WASF1: variants seen among roughly 807,000 people sequenced by gnomAD.
WASF1 encodes WASP family member 1, also known as actin-binding protein WASF1.
Under a neutral mutation model 50.5 loss-of-function variants are expected in WASF1, and 7 were observed. That is an observed-to-expected ratio of 0.14 (90% CI 0.08 to 0.26). The LOEUF (loss-of-function observed/expected upper bound fraction) is 0.26. WASF1 is among the 10% of genes least tolerant of loss of function. The pLI, the probability that WASF1 is intolerant of heterozygous loss-of-function variation, is 1.00. For missense variants in WASF1, 470 were observed against 694.7 expected, an observed-to-expected ratio of 0.68 and a Z score of 3.64; for synonymous variants, 205 against 244.0, an observed-to-expected ratio of 0.84 and a Z score of 1.49.
chr6:110,162,204 T>C (rs553844904), intron 2 of WASF1, among the ~76,000 whole-genome samples: 5 of 151,556 alleles, frequency 3.3e-5, no homozygotes, highest in African/African-American at 1.2e-4. Flanking sequence ...TCCTAGAATA[T>C]AGACAAATTC....
At chr6:110,159,089 C>T (rs1776153073) in intron 3 of WASF1, among the ~76,000 whole-genome samples, 1 of 151,918 alleles carries the variant, frequency 6.6e-6, no homozygotes, top group African/African-American at 2.4e-5. Context: ...TCATATCTTA[C>T]ATTTCTCCGT....
intron 4 of WASF1, among the ~76,000 whole-genome samples, chr6:110,114,974 C>A (rs1364138295): frequency 6.6e-6 from 1 of 151,828 alleles, no homozygotes; most frequent in Non-Finnish European, 1.5e-5. Context: ...TGCCTGTAGT[C>A]CCAGCTACTT....
intron 2 of WASF1, among the ~76,000 whole-genome samples, chr6:110,171,439 G>A (rs1434826709): frequency 6.6e-6 from 1 of 152,066 alleles, no homozygotes; most frequent in African/African-American, 2.4e-5. Flanking sequence ...GTGCTTGGAG[G>A]GAAATTTATG....
chr6:110,108,613 C>T lies in WASF1; in HGVS notation c.337G>A (p.Asp113Asn), dbSNP rs752451504. The T allele has an allele frequency of 3.1e-6, 5 of 1,614,024 alleles. No individual in the cohort carries two copies. Among genetic ancestry groups the T allele is most frequent in the South Asian group, 2.2e-5 (2 of 91,076 alleles). The stretch of plus-strand genomic sequence containing the variant: ...AATGGAATAGGCAAAGTCTTGCGAT[C>T]GAAAAGCTGCTGGTCTTGAATTGTA... ...SSTIQDQQLF[D>N]RKTLPIPLQE... Residue 113 changes from aspartate to asparagine, a missense_variant, in exon 6 of 11, where the codon GAT (aspartate) becomes AAT (asparagine). Physicochemically the swap from Asp to Asn is conservative, Grantham distance 23 (BLOSUM62 1). Coordinates refer to ENST00000392589, the MANE Select transcript of WASF1 (RefSeq NM_003931.3).
chr6:110,171,635 A>C (rs1306335585), intron 2 of WASF1, among the ~76,000 whole-genome samples: 1 of 152,044 alleles, frequency 6.6e-6, no homozygotes, highest in Non-Finnish European at 1.5e-5. Context: ...GGACTTCATG[A>C]CTAATACACC....
chr6:110,170,130 G>A (rs957365303), intron 2 of WASF1, among the ~76,000 whole-genome samples: 3 of 152,030 alleles, frequency 2.0e-5, no homozygotes, highest in Admixed American at 2.0e-4. Context: ...ATTTTAAAGA[G>A]AAAGAAGTAT....
intron 5 of WASF1, among the ~76,000 whole-genome samples, chr6:110,110,475 T>C (rs1221157119): frequency 1.3e-5 from 2 of 152,240 alleles, no homozygotes; most frequent in African/African-American, 4.8e-5. Context: ...GTGTTTAATC[T>C]CGCCAAACTT....
At chr6:110,119,819 G>A (rs1251379684) in intron 4 of WASF1, among the ~76,000 whole-genome samples, 3 of 152,118 alleles carry the variant, frequency 2.0e-5, no homozygotes. Flanking sequence ...AAATCCAGCA[G>A]CACATCAAAA....
intron 3 of WASF1, among the ~76,000 whole-genome samples, chr6:110,130,198 C>T (rs947403282): frequency 6.6e-6 from 1 of 152,124 alleles, no homozygotes; most frequent in Non-Finnish European, 1.5e-5. Context: ...TAAAACTGTG[C>T]AACATGAAAT....
intron 3 of WASF1, among the ~76,000 whole-genome samples, chr6:110,146,845 G>A (rs570344549): frequency 1.9e-4 from 29 of 152,134 alleles, no homozygotes; most frequent in African/African-American, 6.5e-4. Context: ...GTTGTGAGAA[G>A]CAAACTTTAA....
Position 110,139,103 on chromosome 6 carries a change from G to A in WASF1, c.-28-11474C>T, listed in dbSNP as rs533747157. Reference sequence around the variant, plus strand: ...GGGTCAAGGTGGCAGGGGTTGGTGTGTCAGTACTGCCTTGAGCACACACAC... The same window carrying A: ...GGGTCAAGGTGGCAGGGGTTGGTGTATCAGTACTGCCTTGAGCACACACAC... On this transcript the variant is annotated intron_variant, in intron 3 of 10. Transcript: ENST00000392589. 2.0e-3 allele frequency among the ~76,000 whole-genome samples: 302 copies of A among 152,336 alleles called. 2 individuals are homozygous for A. Among genetic ancestry groups the A allele is most frequent in the African/African-American group, 7.0e-3 (293 of 41,566 alleles).
chr6:110,133,382 T>C (rs1774788528), intron 3 of WASF1, among the ~76,000 whole-genome samples: 1 of 152,048 alleles, frequency 6.6e-6, no homozygotes, highest in Non-Finnish European at 1.5e-5. Flanking sequence ...TATAATGCCT[T>C]CTTTTCTTCT....
intron 7 of WASF1, among the ~76,000 whole-genome samples, 171 bp from the exon 8 acceptor site, chr6:110,105,750 C>G (rs1003095188): frequency 6.6e-6 from 1 of 152,152 alleles, no homozygotes; most frequent in Admixed American, 6.5e-5. Flanking sequence ...AAATCTTAGC[C>G]AGTCTGCTGT....
intron 2 of WASF1, among the ~76,000 whole-genome samples, chr6:110,170,702 C>G (rs1395973730): frequency 2.0e-5 from 3 of 151,048 alleles, no homozygotes; most frequent in African/African-American, 7.3e-5. Flanking sequence ...ATATTGTATA[C>G]AAGAAACCCA....
At chr6:110,127,330 A>G (rs1326765570) in intron 4 of WASF1, 139 bp downstream of exon 4, 6 of 650,386 alleles carry the variant, frequency 9.2e-6, no homozygotes, top group Non-Finnish European at 1.4e-5. Flanking sequence ...AATTATACTC[A>G]TGTGACTATA....
At chr6:110,134,366 G>C (rs1214294933) in intron 3 of WASF1, among the ~76,000 whole-genome samples, 1 of 151,416 alleles carries the variant, frequency 6.6e-6, no homozygotes, top group South Asian at 2.1e-4. Flanking sequence ...TCAATTGGCT[G>C]TAAGTATCTG....
rs200325254 is a variant in WASF1 at position 110,146,515 on chromosome 6, TA to T, written c.-29+14119del. On this transcript the variant is annotated intron_variant, in intron 3 of 10. Transcript: ENST00000392589. ...TAAGAATGCATGAAGAACTGTACAT[TA>T]AAAATATATCTAATTTTTTATTTAA... 1.4e-3 allele frequency among the ~76,000 whole-genome samples: 213 copies of T among 151,756 alleles called. 2 individuals carry two copies. The highest frequency in any genetic ancestry group is 2.9e-3 in the East Asian group (15 of 5,186).
chr6:110,113,455 ATTTACCT>A lies in WASF1; in HGVS notation c.134-2_138del. The A allele has an allele frequency of 6.3e-7, 1 of 1,589,424 alleles. No individual in the cohort carries two copies. Among genetic ancestry groups the A allele is most frequent in the South Asian group, 1.2e-5 (1 of 86,078 alleles). On this transcript the variant is annotated splice_acceptor_variant and coding_sequence_variant, in exon 5 of 11. Coordinates refer to ENST00000392589, the MANE Select transcript of WASF1 (RefSeq NM_003931.3). LOFTEE classifies it high-confidence loss of function. ...AATTCTCCAAATATATCTTCAGCAT[ATTTACCT>A]AAGCAAAAATGACACATATATCATA...
intron 3 of WASF1, among the ~76,000 whole-genome samples, chr6:110,143,668 T>A (rs370675473): frequency 6.6e-6 from 1 of 152,108 alleles, no homozygotes; most frequent in Non-Finnish European, 1.5e-5. Context: ...ACATTAACAG[T>A]TAATAATTGC....
Sources: allele counts gnomAD v4.1 joint callset (sites outside exome capture counted in the v4.1 genomes callset), GRCh38; gene constraint gnomAD v4.1.1; transcripts MANE v1.5; gene names NCBI Gene and HGNC (gene_info 2026-07-23, HGNC 2026-07-21).